FZD6: variants seen among roughly 807,000 people sequenced by gnomAD.
FZD6 encodes frizzled-6.
In FZD6, 49 loss-of-function variants were observed where a neutral mutation model predicts 61.4. The observed-to-expected ratio is 0.80, with a 90% confidence interval of 0.63 to 1.01. The LOEUF (loss-of-function observed/expected upper bound fraction) is 1.01, where lower values mean the gene tolerates loss of function less well. Among genes scored for constraint, FZD6 ranks in the 50% least tolerant of loss-of-function variants. The pLI is 0.00. For missense variants in FZD6, 724 were observed against 848.2 expected, an observed-to-expected ratio of 0.85 and a Z score of 1.82; for synonymous variants, 265 against 292.2, an observed-to-expected ratio of 0.91 and a Z score of 0.95.
intron 3 of FZD6, among the ~76,000 whole-genome samples, chr8:103,321,806 G>A (rs1799131349): frequency 6.6e-6 from 1 of 152,086 alleles, no homozygotes; most frequent in South Asian, 2.1e-4. Flanking sequence ...GCCAATAGAT[G>A]AATCCCACTC....
intron 5 of FZD6, 31 bp downstream of exon 5, chr8:103,328,447 T>A (rs1815019679): frequency 6.6e-7 from 1 of 1,513,370 alleles, no homozygotes; most frequent in African/African-American, 1.4e-5. Context: ...CTGACACAAT[T>A]TTTAAATAAA....
chr8:103,315,935 AC>A (rs1814613415), intron 2 of FZD6, among the ~76,000 whole-genome samples: 1 of 152,088 alleles, frequency 6.6e-6, no homozygotes, highest in Admixed American at 6.6e-5. Flanking sequence ...ATTCTAACTA[AC>A]AGGTTTACTC....
At chr8:103,314,464 C>CT (rs966841324) in intron 2 of FZD6, among the ~76,000 whole-genome samples, 1 of 152,136 alleles carries the variant, frequency 6.6e-6, no homozygotes, top group Non-Finnish European at 1.5e-5. Flanking sequence ...TCTGGGCACT[C>CT]TCTCCCCTTC....
intron 2 of FZD6, among the ~76,000 whole-genome samples, chr8:103,315,276 C>T (rs1419927301): frequency 6.6e-6 from 1 of 151,908 alleles, no homozygotes; most frequent in Non-Finnish European, 1.5e-5. Context: ...AAATCCATAT[C>T]CTTAATTTAA....
chr8:103,299,516 A>G (rs990681505), intron 1 of FZD6, among the ~76,000 whole-genome samples: 6 of 152,232 alleles, frequency 3.9e-5, no homozygotes, highest in Non-Finnish European at 7.3e-5. Flanking sequence ...GAAGACTGCC[A>G]CAAAAACTGA....
chr8:103,331,134 G>A (rs3116469), intron 6 of FZD6, among the ~76,000 whole-genome samples: 56,524 of 151,890 alleles, frequency 0.37, 11,568 homozygotes, highest in East Asian at 0.72. Flanking sequence ...CTGAGATCAC[G>A]CTATTATTGC....
rs375068426 is a variant in FZD6 at position 103,325,209 on chromosome 8, G to T, written c.1103G>T (p.Arg368Leu). The change falls in exon 4 of 7, where the codon CGC becomes CTC. Residue 368 changes from arginine to leucine, a missense_variant. Arg to Leu is a moderately radical substitution (Grantham distance 102). Coordinates refer to ENST00000358755, the MANE Select transcript of FZD6 (RefSeq NM_003506.4). ...GGCCTTTATGACCTGGATGCTTCTC[G>T]CTACTTTGTACTCTTGCCACTGTGC... Reference protein sequence around the residue: ...FVGLYDLDASRYFVLLPLCLC... With the variant: ...FVGLYDLDASLYFVLLPLCLC... 12 of 1,613,982 alleles carry T rather than the reference G, an allele frequency of 7.4e-6. No individual in the cohort carries two copies. Among genetic ancestry groups the T allele is most frequent in the Non-Finnish European group, 1.0e-5 (12 of 1,180,012 alleles).
Position 103,325,231 on chromosome 8 carries a change from G to C in FZD6, c.1125G>C (p.Leu375=). 1 of 1,614,150 alleles carries C rather than the reference G, an allele frequency of 6.2e-7. No individual in the cohort carries two copies. The highest frequency in any genetic ancestry group is 8.5e-7 in the Non-Finnish European group (1 of 1,180,024). The change falls in exon 4 of 7, where the codon CTG becomes CTC. Residue 375 remains leucine (L), a synonymous_variant. Coordinates refer to ENST00000358755, the MANE Select transcript of FZD6 (RefSeq NM_003506.4). ...DASRYFVLLP[L]CLCVFVGLSL... is the part of the protein sequence containing the mutation. ...CTCGCTACTTTGTACTCTTGCCACT[G>C]TGCCTTTGTGTGTTTGTTGGGCTCT...
At position 103,318,618 on chromosome 8, in the gene FZD6, G is replaced by A; in HGVS notation, c.206G>A (p.Cys69Tyr). ...EHFLPLANLE[C>Y]SPNIETFLCK... is the part of the protein sequence containing the mutation. Reference sequence around the variant, plus strand: ...TTTCTTCCTCTCGCAAATCTGGAATGTTCACCAAACATTGAAACTTTCCTC... The same window carrying A: ...TTTCTTCCTCTCGCAAATCTGGAATATTCACCAAACATTGAAACTTTCCTC... The change falls in exon 3 of 7, where the codon TGT (cysteine) becomes TAT (tyrosine). Residue 69 changes from cysteine to tyrosine, a missense_variant. Cys to Tyr is a radical substitution (Grantham distance 194, BLOSUM62 -2). Transcript: ENST00000358755. 1 of 1,610,230 alleles carries A rather than the reference G, an allele frequency of 6.2e-7. No individual in the cohort carries two copies. The highest frequency in any genetic ancestry group is 1.1e-5 in the South Asian group (1 of 90,998).
At position 103,305,564 on chromosome 8, in the gene FZD6, G is replaced by T. The variant is rs1238732526; in HGVS notation, c.177+5280G>T. Among the ~76,000 whole-genome samples the T allele has an allele frequency of 4.6e-5, 7 of 152,272 alleles. No individual in the cohort carries two copies. In the South Asian group the frequency reaches 1.5e-3, roughly 32 times the overall value. The stretch of plus-strand genomic sequence containing the variant: ...ATGTCCATACACAAATAAAGAAAAT[G>T]TTTAGTGAGATTAACCTGTTTGTTT... On this transcript the variant is annotated intron_variant, in intron 2 of 6. Transcript: ENST00000358755.
At chr8:103,322,355 T>A (rs1255160854) in intron 3 of FZD6, among the ~76,000 whole-genome samples, 1 of 141,432 alleles carries the variant, frequency 7.1e-6, no homozygotes, top group Non-Finnish European at 1.5e-5. Flanking sequence ...GGTAACATAG[T>A]GACACCCAGT....
chr8:103,307,292 C>T lies in FZD6; in HGVS notation c.177+7008C>T, dbSNP rs576884638. Among the ~76,000 whole-genome samples the T allele has an allele frequency of 5.0e-4, 61 of 122,736 alleles. No homozygotes were observed. The East Asian group carries it at 0.016, about 32-fold the overall frequency. 80.5% of individuals were successfully genotyped at this position (122,736 alleles called of 152,430 possible). On this transcript the variant is annotated intron_variant, in intron 2 of 6. Transcript: ENST00000358755. ...CCCAGGCCCATATTATGGTTCCTTT[C>T]ATTATCATATTATTATAGCATCAGG...
intron 2 of FZD6, among the ~76,000 whole-genome samples, chr8:103,313,760 CTGTG>C (rs58157848): frequency 0.26 from 36,666 of 142,588 alleles, 4,549 homozygotes; most frequent in East Asian, 0.35. Flanking sequence ...CTTGATTTTT[CTGTG>C]TGTGTGTGTG....
intron 4 of FZD6, among the ~76,000 whole-genome samples, chr8:103,326,832 T>A (rs1814966143): frequency 6.6e-6 from 1 of 151,352 alleles, no homozygotes; most frequent in South Asian, 2.1e-4. Context: ...AAAAAAACCA[T>A]CCATCTGATA....
intron 2 of FZD6, among the ~76,000 whole-genome samples, chr8:103,317,151 T>G (rs1464336860): frequency 1.3e-5 from 2 of 152,178 alleles, no homozygotes; most frequent in African/African-American, 2.4e-5. Flanking sequence ...GGCACAAGAC[T>G]CACTATCTGG....
Position 103,329,903 on chromosome 8 carries a change from T to C in FZD6, c.1790T>C (p.Met597Thr). ...ATCCAAACCTCACCAGAAACATCAA[T>C]GAGAGAGGTGAAAGCGGACGGAGCT... The part of the protein sequence containing the change: ...TEIQTSPETS[M>T]REVKADGAST... The change falls in exon 6 of 7, where the codon ATG (methionine) becomes ACG (threonine). Residue 597 changes from methionine (M) to threonine (T), a missense_variant. Coordinates refer to ENST00000358755, the MANE Select transcript of FZD6 (RefSeq NM_003506.4). The C allele has an allele frequency of 6.2e-7, 1 of 1,613,838 alleles. No homozygotes were observed. The highest frequency in any genetic ancestry group is 1.1e-5 in the South Asian group (1 of 91,082).
Position 103,300,170 on chromosome 8 carries a change from C to A in FZD6, c.63C>A (p.Leu21=). The change falls in exon 2 of 7, where the codon CTC becomes CTA. Residue 21 remains leucine, a synonymous_variant. Transcript: ENST00000358755. ...IFLPLLRGHS[L]FTCEPITVPR... is the part of the protein sequence containing the mutation. Reference sequence around the variant, plus strand: ...TACCCCTCCTAAGAGGGCACAGTCTCTTCACCTGTGAACCAATTACTGTTC... The same window carrying A: ...TACCCCTCCTAAGAGGGCACAGTCTATTCACCTGTGAACCAATTACTGTTC... 6.2e-7 allele frequency: 1 copy of A among 1,601,330 alleles called. No homozygotes were observed. The highest frequency in any genetic ancestry group is 8.6e-7 in the Non-Finnish European group (1 of 1,168,276).
Position 103,303,156 on chromosome 8 carries a change from C to T in FZD6, c.177+2872C>T, listed in dbSNP as rs551988150. 2.6e-5 allele frequency among the ~76,000 whole-genome samples: 4 copies of T among 152,244 alleles called. No homozygotes were observed. The East Asian group carries it at 7.7e-4, about 29-fold the overall frequency. On this transcript the variant is annotated intron_variant, in intron 2 of 6. Transcript: ENST00000358755. ...GCACTCCAGGCCCTTCATGTGGGAC[C>T]CTGGCTGCTTGTCCAGTCTCTCATC...
rs1275245043 is a variant in FZD6, at chr8:103,322,322, T to A, written c.375-2159T>A. Among the ~76,000 whole-genome samples the A allele has an allele frequency of 6.8e-5, 10 of 146,104 alleles. No homozygotes were observed. The East Asian group carries it at 2.0e-3, about 29-fold the overall frequency. On this transcript the variant is annotated intron_variant, in intron 3 of 6. Transcript: ENST00000358755. ...CAGCTATTTAAGAGGATTGCTTGAG[T>A]CCAGGAAATCAAGACCAGCCTGGGT... is the stretch of plus-strand genomic sequence containing the variant.
Sources: gnomAD v4.1 joint callset for allele counts (sites outside exome capture counted in the v4.1 genomes callset) on GRCh38, gnomAD v4.1.1 for gene constraint, MANE v1.5 for transcripts, NCBI Gene and HGNC (gene_info 2026-07-23, HGNC 2026-07-21) for gene names.